PPP1R21: variants seen among roughly 807,000 people sequenced by gnomAD.
PPP1R21 encodes the protein KLRAQ motif containing 1.
Under a neutral mutation model 112.8 loss-of-function variants are expected in PPP1R21, and 85 were observed. The observed-to-expected ratio is 0.75, with a 90% CI of 0.63 to 0.90. The LOEUF (loss-of-function observed/expected upper bound fraction) is 0.90, where lower values mean the gene tolerates loss of function less well. Among genes scored for constraint, PPP1R21 ranks in the 40% least tolerant of loss-of-function variants. The pLI is 0.00. For synonymous variants in PPP1R21, 381 were observed against 322.3 expected (o/e 1.18, Z -1.95); for missense variants, 1,199 against 901.5 (o/e 1.33, Z -4.23).
At chr2:48,448,670 GTATT>G (rs1341565621) in intron 1 of PPP1R21, among the ~76,000 whole-genome samples, 3 of 149,930 alleles carry the variant, frequency 2.0e-5, no homozygotes, top group Non-Finnish European at 3.0e-5. Context: ...GGATTTGAAA[GTATT>G]TATTGAATTC....
chr2:48,500,325 C>G (rs1205202813), intron 17 of PPP1R21, among the ~76,000 whole-genome samples: 4 of 151,850 alleles, frequency 2.6e-5, no homozygotes, highest in Non-Finnish European at 5.9e-5. Context: ...CTGCACAGAT[C>G]AATAAAGCAA....
At chr2:48,503,924 G>A (rs1670246819) in intron 17 of PPP1R21, among the ~76,000 whole-genome samples, 1 of 146,558 alleles carries the variant, frequency 6.8e-6, no homozygotes, top group South Asian at 2.2e-4. Flanking sequence ...TTGCACTCCA[G>A]CCTGGGCAAA....
At chr2:48,475,820 C>A (rs1198736568) in intron 12 of PPP1R21, among the ~76,000 whole-genome samples, 1 of 151,794 alleles carries the variant, frequency 6.6e-6, no homozygotes, top group Non-Finnish European at 1.5e-5. Context: ...GCGCTCCAGC[C>A]TGGGCAGCAA....
In PPP1R21 at chr2:48,495,696, G is replaced by A. The variant is rs766547349; in HGVS notation, c.1617G>A (p.Val539=). 1.9e-6 allele frequency: 3 copies of A among 1,608,834 alleles called. No individual in the cohort carries two copies. In the Admixed American group the frequency reaches 5.0e-5, roughly 27 times the overall value. ...TATCATAGCCCCTCTTGGAGTCTGT[G>A]CCTTATGAAGAAGCACTGGCAAACC... is the stretch of plus-strand genomic sequence containing the variant. ...KSLRKPLLES[V]PYEEALANRR... is the part of the protein sequence containing the mutation. The change falls in exon 16 of 22, where the codon GTG becomes GTA. Residue 539 remains valine, a synonymous_variant. Coordinates refer to ENST00000294952, the MANE Select transcript of PPP1R21 (RefSeq NM_001135629.3).
intron 11 of PPP1R21, 65 bp downstream of exon 11, chr2:48,471,432 AATAAAATATTAAC>A (rs1668491770): frequency 2.9e-5 from 42 of 1,448,404 alleles, no homozygotes; most frequent in Non-Finnish European, 3.8e-5. Flanking sequence ...GGCTGGCGTT[AATAAAATATTAAC>A]ATGTGCCTCT....
intron 1 of PPP1R21, among the ~76,000 whole-genome samples, chr2:48,450,736 A>G (rs1667434298): frequency 6.6e-6 from 1 of 152,048 alleles, no homozygotes; most frequent in South Asian, 2.1e-4. Flanking sequence ...GACACACTAG[A>G]AATCAGGAGA....
chr2:48,458,476 G>C (rs534860487), intron 4 of PPP1R21, among the ~76,000 whole-genome samples: 1 of 152,042 alleles, frequency 6.6e-6, no homozygotes, highest in South Asian at 2.1e-4. Flanking sequence ...TAACAGTGCA[G>C]AAATATACTG....
At chr2:48,460,284 C>CT in intron 6 of PPP1R21, 131 bp downstream of exon 6, 1 of 862,974 alleles carries the variant, frequency 1.2e-6, no homozygotes, top group East Asian at 2.7e-5. Context: ...CTACAGGGTC[C>CT]TTTTCAATTC....
At chr2:48,507,234 A>G in intron 18 of PPP1R21, 35 bp from the exon 19 acceptor site, 1 of 1,356,776 alleles carries the variant, frequency 7.4e-7, no homozygotes, top group Non-Finnish European at 9.6e-7. Context: ...TCTCACTGGT[A>G]CTTGTTTATT....
intron 21 of PPP1R21, among the ~76,000 whole-genome samples, chr2:48,513,143 C>A (rs1670714611): frequency 6.6e-6 from 1 of 151,904 alleles, no homozygotes; most frequent in Non-Finnish European, 1.5e-5. Context: ...CAGCAAAGCT[C>A]ATTGTCCTGA....
At chr2:48,454,770 G>T in intron 3 of PPP1R21, 29 bp downstream of exon 3, 1 of 1,582,054 alleles carries the variant, frequency 6.3e-7, no homozygotes, top group South Asian at 1.1e-5. Flanking sequence ...AAGTTAGTGT[G>T]ACCTTGTCGT....
chr2:48,476,682 A>G (rs1432126114), intron 12 of PPP1R21, among the ~76,000 whole-genome samples: 2 of 151,896 alleles, frequency 1.3e-5, no homozygotes, highest in African/African-American at 2.4e-5. Context: ...TTTTACTTGC[A>G]TTTTCCTGAT....
At chr2:48,486,456 T>C (rs1669301679) in intron 13 of PPP1R21, among the ~76,000 whole-genome samples, 175 bp from the exon 14 acceptor site, 1 of 152,186 alleles carries the variant, frequency 6.6e-6, no homozygotes. Flanking sequence ...CTCTGTTCTT[T>C]CCATGTAGAT....
intron 3 of PPP1R21, among the ~76,000 whole-genome samples, chr2:48,457,705 T>G (rs1667787722): frequency 6.6e-6 from 1 of 152,216 alleles, no homozygotes; most frequent in Admixed American, 6.5e-5. Context: ...TTACAGAATT[T>G]ATTACAATTT....
intron 8 of PPP1R21, 94 bp downstream of exon 8, chr2:48,465,083 C>A: frequency 1.1e-6 from 1 of 917,554 alleles, no homozygotes; most frequent in Non-Finnish European, 1.7e-6. Flanking sequence ...CTGTTTAGTG[C>A]ATTCAGTCAT....
chr2:48,501,995 A>G (rs1267374568), intron 17 of PPP1R21: 3 of 152,092 alleles, frequency 2.0e-5, no homozygotes, highest in Non-Finnish European at 2.9e-5. Flanking sequence ...TATCGTTCCA[A>G]TTTTAGTACA....
At chr2:48,475,111 G>A (rs1668691697) in intron 12 of PPP1R21, among the ~76,000 whole-genome samples, 1 of 152,140 alleles carries the variant, frequency 6.6e-6, no homozygotes, top group African/African-American at 2.4e-5. Context: ...CCAGCACGTT[G>A]GGAGGCTGAG....
intron 16 of PPP1R21, among the ~76,000 whole-genome samples, chr2:48,497,907 T>C (rs963058211): frequency 6.6e-6 from 1 of 152,288 alleles, no homozygotes; most frequent in Admixed American, 6.5e-5. Context: ...CGCCTCGGCC[T>C]CCTAAAGTGC....
Position 48,476,085 on chromosome 2 carries a change from G to A in PPP1R21, c.1225+1266G>A, listed in dbSNP as rs750190216. Among the ~76,000 whole-genome samples, 17 of 152,090 alleles carry A rather than the reference G, an allele frequency of 1.1e-4. 1 individual carries two copies. The highest frequency in any genetic ancestry group is 2.2e-4 in the Non-Finnish European group (15 of 68,022). Reference sequence around the variant, plus strand: ...TTATCACCCATAGAAGAAACCCTGTGTATTTTAGCTATTGCCCTCCCATTC... The same window carrying A: ...TTATCACCCATAGAAGAAACCCTGTATATTTTAGCTATTGCCCTCCCATTC... On this transcript the variant is annotated intron_variant, in intron 12 of 21. Coordinates refer to ENST00000294952, the MANE Select transcript of PPP1R21 (RefSeq NM_001135629.3).
Sources: gnomAD v4.1 joint callset for allele counts (sites outside exome capture counted in the v4.1 genomes callset) on GRCh38, gnomAD v4.1.1 for gene constraint, MANE v1.5 for transcripts, NCBI Gene and HGNC (gene_info 2026-07-23, HGNC 2026-07-21) for gene names.